ADGB: variants seen among roughly 807,000 people sequenced by gnomAD.
The protein encoded by ADGB is androglobin.
Under a neutral mutation model 210.5 loss-of-function variants are expected in ADGB, and 172 were observed. That is an observed-to-expected ratio of 0.82 (90% confidence interval 0.72 to 0.93). ADGB has a LOEUF of 0.93. ADGB is among the 40% of genes least tolerant of loss of function. ADGB has a pLI of 0.00. For missense variants in ADGB, 2,025 were observed against 1,964.8 expected, an observed-to-expected ratio of 1.03 and a Z score of -0.58; for synonymous variants, 658 against 662.7, an observed-to-expected ratio of 0.99 and a Z score of 0.11.
At chr6:146,614,740 G>A (rs1780765594) in intron 1 of ADGB, among the ~76,000 whole-genome samples, 1 of 152,162 alleles carries the variant, frequency 6.6e-6, no homozygotes, top group Non-Finnish European at 1.5e-5. Context: ...AGGAAATGAG[G>A]TTGAATTGGC....
At chr6:146,663,340 T>TGTGA (rs1775892969) in intron 5 of ADGB, among the ~76,000 whole-genome samples, 1 of 151,364 alleles carries the variant, frequency 6.6e-6, no homozygotes, top group South Asian at 2.1e-4. Flanking sequence ...GGCTGGGAAG[T>TGTGA]GTGAGATCAA....
intron 3 of ADGB, among the ~76,000 whole-genome samples, chr6:146,651,686 A>G (rs1050678743): frequency 6.6e-6 from 1 of 152,098 alleles, no homozygotes; most frequent in Non-Finnish European, 1.5e-5. Context: ...AACTCCACTT[A>G]AGCAGGAGAA....
At chr6:146,626,779 T>C (rs1308662120) in intron 1 of ADGB, among the ~76,000 whole-genome samples, 1 of 151,938 alleles carries the variant, frequency 6.6e-6, no homozygotes, top group Non-Finnish European at 1.5e-5. Flanking sequence ...TTGAGTTTTA[T>C]TGAAATTCTT....
rs1282929186 is a variant in ADGB, at chr6:146,807,324, G to A, written c.4818+5313G>A. On this transcript the variant is annotated intron_variant, in intron 35 of 35. Coordinates refer to ENST00000397944, the MANE Select transcript of ADGB (RefSeq NM_024694.4). ...TGTGTGGGCATAAGGACAGGCTAAAGGAATTTCATTTTTTTCTTTCTGGGA... is the reference window on the plus strand; with the variant it reads ...TGTGTGGGCATAAGGACAGGCTAAAAGAATTTCATTTTTTTCTTTCTGGGA... 4.2e-6 allele frequency: 6 copies of A among 1,440,948 alleles called. No homozygotes were observed. The East Asian group carries it at 1.5e-4, about 36-fold the overall frequency. 89.3% of individuals were successfully genotyped at this position (1,440,948 alleles called of 1,614,324 possible). A position where few individuals can be genotyped will look rare whatever the true frequency, so the allele number is the denominator to read the frequency against.
At chr6:146,721,714 T>C (rs1008154526) in intron 17 of ADGB, among the ~76,000 whole-genome samples, 1 of 152,134 alleles carries the variant, frequency 6.6e-6, no homozygotes, top group African/African-American at 2.4e-5. Flanking sequence ...GGCACGTACC[T>C]GTATTCCCAG....
rs746851355 is a variant in ADGB, at chr6:146,721,492, G to A, written c.2082G>A (p.Trp694Ter). The change falls in exon 17 of 36, where the codon TGG (tryptophan) becomes TGA (stop). Residue 694 changes from tryptophan to a stop codon, truncating the protein, a stop_gained. Transcript: ENST00000397944. LOFTEE classifies it high-confidence loss of function. ...TTTGCTTTTCTGCATTGGTACGCTG[G>A]GGGGAGTATGGAGGTAAGAGGGCTC... ...LLVCFSALVR[W>*]GEYGALTKDS... 2.6e-6 allele frequency: 4 copies of A among 1,545,994 alleles called. No homozygotes were observed. The highest frequency in any genetic ancestry group is 1.4e-5 in the African/African-American group (1 of 72,804).
intron 29 of ADGB, among the ~76,000 whole-genome samples, chr6:146,779,688 A>G (rs908225791): frequency 6.6e-6 from 1 of 152,110 alleles, no homozygotes; most frequent in African/African-American, 2.4e-5. Flanking sequence ...AAAATTATCA[A>G]CCAAGAATTT....
At chr6:146,663,578 T>C (rs918891094) in intron 5 of ADGB, among the ~76,000 whole-genome samples, 2 of 152,084 alleles carry the variant, frequency 1.3e-5, no homozygotes, top group Admixed American at 1.3e-4. Context: ...ACATTCTGTA[T>C]GTATACACAC....
At position 146,666,898 on chromosome 6, in the gene ADGB, C is replaced by G. The variant is rs761027942; in HGVS notation, c.835C>G (p.Leu279Val). The G allele has an allele frequency of 6.5e-7, 1 of 1,542,014 alleles. No homozygotes were observed. The highest frequency in any genetic ancestry group is 1.2e-5 in the South Asian group (1 of 83,228). The change falls in exon 7 of 36, where the codon CTT becomes GTT. Residue 279 changes from leucine to valine, a missense_variant. Transcript: ENST00000397944. ...LTGWLPEVIS[L>V]HPGYMDKVWE... ...AGGATGGTTACCAGAAGTCATTTCT[C>G]TTCAGTATGTTTGACTATTAAATTG...
chr6:146,799,693 T>C (rs1219452718), intron 33 of ADGB, among the ~76,000 whole-genome samples: 1 of 151,840 alleles, frequency 6.6e-6, no homozygotes, highest in African/African-American at 2.4e-5. Context: ...TGGTAGGGGA[T>C]GTTAATAATG....
intron 11 of ADGB, among the ~76,000 whole-genome samples, 153 bp downstream of exon 11, chr6:146,691,443 A>AATATAT (rs1397599810): frequency 1.4e-4 from 3 of 21,260 alleles, no homozygotes; most frequent in African/African-American, 1.1e-3. Flanking sequence ...TATATATATA[A>AATATAT]AAATATATAT....
intron 13 of ADGB, among the ~76,000 whole-genome samples, chr6:146,713,390 C>G (rs1174355311): frequency 6.6e-6 from 1 of 151,288 alleles, no homozygotes; most frequent in Non-Finnish European, 1.5e-5. Context: ...TACATCCTTA[C>G]CAACATTTAT....
At chr6:146,659,219 A>G (rs1378094988) in intron 5 of ADGB, among the ~76,000 whole-genome samples, 1 of 152,140 alleles carries the variant, frequency 6.6e-6, no homozygotes, top group Non-Finnish European at 1.5e-5. Context: ...GCACTTGTAC[A>G]TGTCTGTCAT....
chr6:146,693,471 A>G (rs1392929791), intron 12 of ADGB, among the ~76,000 whole-genome samples: 2 of 152,214 alleles, frequency 1.3e-5, no homozygotes, highest in Non-Finnish European at 2.9e-5. Flanking sequence ...TCAGACTTCC[A>G]GTCTCCAGAA....
At chr6:146,675,954 T>C (rs1776077699) in intron 8 of ADGB, among the ~76,000 whole-genome samples, 1 of 152,168 alleles carries the variant, frequency 6.6e-6, no homozygotes. Flanking sequence ...GACTTAACTT[T>C]CAGCACAGGC....
intron 3 of ADGB, among the ~76,000 whole-genome samples, chr6:146,647,666 CACA>C (rs975031016): frequency 6.6e-6 from 1 of 151,736 alleles, no homozygotes; most frequent in African/African-American, 2.4e-5. Flanking sequence ...AGCATCAGGC[CACA>C]ACAACAACTA....
At chr6:146,738,537 C>T (rs1777114282) in intron 23 of ADGB, among the ~76,000 whole-genome samples, 1 of 148,648 alleles carries the variant, frequency 6.7e-6, no homozygotes, top group Non-Finnish European at 1.5e-5. Flanking sequence ...GCGAGCTCCA[C>T]CTCCTGGGTT....
intron 12 of ADGB, among the ~76,000 whole-genome samples, chr6:146,700,342 A>T (rs904272076): frequency 2.0e-5 from 3 of 152,202 alleles, no homozygotes; most frequent in African/African-American, 7.2e-5. Context: ...ATTTTTACAG[A>T]TCACTAACTG....
At chr6:146,730,646 A>G (rs558394794) in intron 20 of ADGB, among the ~76,000 whole-genome samples, 3 of 152,336 alleles carry the variant, frequency 2.0e-5, no homozygotes, top group East Asian at 3.9e-4. Context: ...ATCTTCCATG[A>G]TGATTAACAT....
Sources: allele counts gnomAD v4.1 joint callset (sites outside exome capture counted in the v4.1 genomes callset), GRCh38; gene constraint gnomAD v4.1.1; transcripts MANE v1.5; gene names NCBI Gene and HGNC (gene_info 2026-07-23, HGNC 2026-07-21).